RGS7: variants seen among roughly 807,000 people sequenced by gnomAD.
The protein encoded by RGS7 is regulator of G protein signaling 7.
A neutral mutation model predicts 81.1 loss-of-function variants in RGS7; 27 were observed. The ratio of observed to expected loss-of-function variants is 0.33; its 90% confidence interval spans 0.25 to 0.46. RGS7 has a LOEUF of 0.46. RGS7 is among the 20% of genes least tolerant of loss of function. RGS7 has a pLI of 1.00. For missense variants in RGS7, 396 were observed against 607.4 expected, an observed-to-expected ratio of 0.65 and a Z score of 3.66; for synonymous variants, 208 against 207.7, an observed-to-expected ratio of 1.00 and a Z score of -0.01.
intron 9 of RGS7, among the ~76,000 whole-genome samples, chr1:240,848,980 A>G (rs143181253): frequency 6.6e-6 from 1 of 152,310 alleles, no homozygotes; most frequent in East Asian, 1.9e-4. Flanking sequence ...AGAATGTGAT[A>G]TCTCCAACCC....
At chr1:241,025,511 T>A (rs1394721809) in intron 3 of RGS7, among the ~76,000 whole-genome samples, 8 of 152,126 alleles carry the variant, frequency 5.3e-5, no homozygotes, top group Non-Finnish European at 7.4e-5. Flanking sequence ...GACCACCACC[T>A]CCAGATTCAA....
At chr1:240,869,481 C>T (rs1249783937) in intron 7 of RGS7, among the ~76,000 whole-genome samples, 3 of 152,138 alleles carry the variant, frequency 2.0e-5, no homozygotes, top group South Asian at 2.1e-4. Flanking sequence ...TCTGACATTT[C>T]GACAGTTAAG....
intron 2 of RGS7, among the ~76,000 whole-genome samples, chr1:241,197,964 T>C (rs201040461): frequency 7.3e-5 from 11 of 150,864 alleles, no homozygotes; most frequent in Non-Finnish European, 1.2e-4. Context: ...TATCTATCTG[T>C]CTACCTACCT....
At chr1:241,047,463 CG>C (rs67779094) in intron 3 of RGS7, among the ~76,000 whole-genome samples, 12,526 of 152,158 alleles carry the variant, frequency 0.082, 871 homozygotes, top group African/African-American at 0.19. Context: ...CTGTTAAACA[CG>C]TTTAAACATG....
At chr1:241,242,343 T>C (rs945633524) in intron 2 of RGS7, among the ~76,000 whole-genome samples, 3 of 151,242 alleles carry the variant, frequency 2.0e-5, no homozygotes, top group Non-Finnish European at 4.4e-5. Context: ...GATAGATAGA[T>C]AGATAGATAC....
chr1:241,241,473 G>A (rs541612531), intron 2 of RGS7, among the ~76,000 whole-genome samples: 15 of 152,164 alleles, frequency 9.9e-5, no homozygotes, highest in East Asian at 3.9e-4. Flanking sequence ...CATGTTCCAC[G>A]GGCTTAAACA....
intron 2 of RGS7, among the ~76,000 whole-genome samples, chr1:241,349,698 T>G (rs2083115700): frequency 6.6e-6 from 1 of 152,220 alleles, no homozygotes; most frequent in Non-Finnish European, 1.5e-5. Flanking sequence ...GGGTTGATAT[T>G]TTGTAGGATA....
chr1:241,197,533 C>A lies in RGS7; in HGVS notation c.79-98771G>T, dbSNP rs1193740469. ...CCTCCCAAAGTGCTGGGATTACAGG[C>A]GTGAGCCACCGCGCCCGGCCTAATC... is the stretch of plus-strand genomic sequence containing the variant. On this transcript the variant is annotated intron_variant, in intron 2 of 18. Transcript: ENST00000440928. Among the ~76,000 whole-genome samples the A allele has an allele frequency of 1.1e-3, 6 of 5,372 alleles. 3 individuals are homozygous for A. Among genetic ancestry groups the A allele is most frequent in the African/African-American group, 2.5e-3 (6 of 2,376 alleles). The allele number at this position is 5,372 out of a possible 152,430, so 3.5% of individuals were successfully genotyped here. A position where few individuals can be genotyped will look rare whatever the true frequency, so the allele number is the denominator to read the frequency against.
At chr1:240,777,163 C>G (rs1326643286) in intron 18 of RGS7, among the ~76,000 whole-genome samples, 1 of 152,002 alleles carries the variant, frequency 6.6e-6, no homozygotes, top group Admixed American at 6.5e-5. Flanking sequence ...GGCGTGGTGG[C>G]GGGCACCTGT....
intron 2 of RGS7, among the ~76,000 whole-genome samples, chr1:241,291,124 A>G (rs2079065862): frequency 6.6e-6 from 1 of 152,214 alleles, no homozygotes; most frequent in Non-Finnish European, 1.5e-5. Flanking sequence ...GATAAAATAA[A>G]CACAGACAAA....
At chr1:241,342,739 A>C (rs2082638668) in intron 2 of RGS7, among the ~76,000 whole-genome samples, 1 of 152,194 alleles carries the variant, frequency 6.6e-6, no homozygotes, top group Non-Finnish European at 1.5e-5. Flanking sequence ...TGTCCGAAGA[A>C]TATATATAAA....
At chr1:240,991,558 G>T (rs1468456175) in intron 3 of RGS7, among the ~76,000 whole-genome samples, 4 of 152,182 alleles carry the variant, frequency 2.6e-5, no homozygotes, top group African/African-American at 9.7e-5. Context: ...TCCTTGATGT[G>T]CAGCCTTTAT....
chr1:240,803,686 AG>A (rs1688368912), intron 15 of RGS7, among the ~76,000 whole-genome samples: 1 of 151,788 alleles, frequency 6.6e-6, no homozygotes, highest in South Asian at 2.1e-4. Flanking sequence ...AAAAGGAAAA[AG>A]GTACTCATTC....
chr1:241,339,750 C>T lies in RGS7; in HGVS notation c.78+15949G>A, dbSNP rs1040251421. ...AAGGTGCATGCCCTTTTTTTAAGAG[C>T]GCTTTCTGAATATTACATCCCAGCT... On this transcript the variant is annotated intron_variant, in intron 2 of 18. Coordinates refer to ENST00000440928, the MANE Select transcript of RGS7 (RefSeq NM_001364886.1). Among the ~76,000 whole-genome samples, 11 of 152,074 alleles carry T rather than the reference C, an allele frequency of 7.2e-5. No homozygotes were observed. The East Asian group carries it at 1.2e-3, about 16-fold the overall frequency.
At chr1:241,134,215 C>T (rs944936065) in intron 2 of RGS7, among the ~76,000 whole-genome samples, 2 of 152,294 alleles carry the variant, frequency 1.3e-5, no homozygotes, top group Non-Finnish European at 2.9e-5. Flanking sequence ...TGGGTAGCAC[C>T]AACGAAGAAC....
At chr1:240,815,948 T>C (rs1282862791) in intron 11 of RGS7, among the ~76,000 whole-genome samples, 1 of 152,196 alleles carries the variant, frequency 6.6e-6, no homozygotes, top group African/African-American at 2.4e-5. Context: ...ATGTGGGAAG[T>C]GTGACAATGT....
chr1:240,801,430 T>C lies in RGS7; in HGVS notation c.1413+25A>G, dbSNP rs773554801. 1.7e-5 allele frequency: 26 copies of C among 1,503,596 alleles called. 1 individual carries two copies. In the African/African-American group the frequency reaches 3.2e-4, roughly 18 times the overall value. 93.1% of individuals were successfully genotyped at this position (1,503,596 alleles called of 1,614,324 possible). On this transcript the variant is annotated intron_variant, in intron 17 of 18. Coordinates refer to ENST00000440928, the MANE Select transcript of RGS7 (RefSeq NM_001364886.1). Reference sequence around the variant, plus strand: ...AAATTTCATTGGACTTAATGATTCATAATTCCTCAAAAAATTAAACTTACC... The same window carrying C: ...AAATTTCATTGGACTTAATGATTCACAATTCCTCAAAAAATTAAACTTACC...
chr1:240,914,959 T>C lies in RGS7; in HGVS notation c.385+15758A>G, dbSNP rs538786599. On this transcript the variant is annotated intron_variant, in intron 6 of 18. Coordinates refer to ENST00000440928, the MANE Select transcript of RGS7 (RefSeq NM_001364886.1). The stretch of plus-strand genomic sequence containing the variant: ...CTGCAACTGATTAGTTGTTCGAGGC[T>C]CAATGTGGATTAATTTGAGCATTAA... 2.6e-5 allele frequency among the ~76,000 whole-genome samples: 4 copies of C among 152,282 alleles called. 1 individual carries two copies. Among genetic ancestry groups the C allele is most frequent in the African/African-American group, 9.6e-5 (4 of 41,558 alleles).
intron 2 of RGS7, among the ~76,000 whole-genome samples, chr1:241,290,822 G>A (rs537084647): frequency 1.3e-5 from 2 of 152,242 alleles, no homozygotes; most frequent in African/African-American, 2.4e-5. Context: ...ATGAAATGGC[G>A]AGACAGATTT....
Sources: allele counts gnomAD v4.1 joint callset (sites outside exome capture counted in the v4.1 genomes callset), GRCh38; gene constraint gnomAD v4.1.1; transcripts MANE v1.5; gene names NCBI Gene and HGNC (gene_info 2026-07-23, HGNC 2026-07-21).